C1QTNF3: variants seen among roughly 807,000 people sequenced by gnomAD.
C1QTNF3 encodes the protein C1q and TNF related 3, also known as complement C1q tumor necrosis factor-related protein 3.
In C1QTNF3, 26 loss-of-function variants were observed where a neutral mutation model predicts 32.6. The observed-to-expected ratio is 0.80, with a 90% confidence interval of 0.58 to 1.11. The LOEUF (loss-of-function observed/expected upper bound fraction) is 1.11. Ranked by LOEUF, C1QTNF3 falls within the 50% of genes least tolerant of loss-of-function variation. C1QTNF3 has a pLI of 0.00. For missense variants in C1QTNF3, 362 were observed against 398.2 expected (o/e 0.91, Z 0.77); for synonymous variants, 155 against 146.0 (o/e 1.06, Z -0.44).
At chr5:34,124,580 C>G in the C1QTNF3 span, 1 of 593,638 alleles carries the variant, frequency 1.7e-6, no homozygotes. Context: ...AAGAACAGCA[C>G]TAAGGGGATG....
the C1QTNF3 span, among the ~76,000 whole-genome samples, chr5:34,207,954 AT>A: frequency 2.8e-4 from 43 of 151,602 alleles, no homozygotes; most frequent in African/African-American, 9.4e-4. Flanking sequence ...TGCCCGGCTA[AT>A]TTTTTTTGTA....
chr5:34,102,947 G>A, the C1QTNF3 span, among the ~76,000 whole-genome samples: 5 of 125,168 alleles, frequency 4.0e-5, no homozygotes, highest in East Asian at 6.6e-4. Flanking sequence ...AAACCTGCAC[G>A]TGTGCACATG....
At chr5:34,231,205 C>A in the C1QTNF3 span, among the ~76,000 whole-genome samples, 15 of 152,302 alleles carry the variant, frequency 9.8e-5, no homozygotes, top group African/African-American at 3.1e-4. Context: ...GGGAGTTCCA[C>A]TGGTAAAAGC....
chr5:34,240,601 T>C, the C1QTNF3 span, among the ~76,000 whole-genome samples: 16 of 151,744 alleles, frequency 1.1e-4, no homozygotes, highest in African/African-American at 3.9e-4. Context: ...GAGACCAATA[T>C]GAAGCTCTGA....
the C1QTNF3 span, among the ~76,000 whole-genome samples, chr5:34,222,434 TATTCA>T: frequency 3.3e-5 from 5 of 151,550 alleles, no homozygotes; most frequent in African/African-American, 1.2e-4. Context: ...AAGGCATAAA[TATTCA>T]ATTCAATAAA....
chr5:34,068,247 G>A, the C1QTNF3 span, among the ~76,000 whole-genome samples: 2 of 152,002 alleles, frequency 1.3e-5, no homozygotes, highest in South Asian at 2.1e-4. Context: ...AGTGGTTTTT[G>A]CTTTATTCAC....
chr5:34,029,328 C>T (rs534708408), intron 3 of C1QTNF3, among the ~76,000 whole-genome samples: 6 of 150,816 alleles, frequency 4.0e-5, no homozygotes, highest in Non-Finnish European at 5.9e-5. Flanking sequence ...TTTATAGAGA[C>T]GAGGTCTCAC....
rs1754293288 is a variant in C1QTNF3 at position 34,020,344 on chromosome 5, G to A, written c.*239C>T. 9.9e-6 allele frequency: 4 copies of A among 402,794 alleles called. No individual in the cohort carries two copies. The allele number at this position is 402,794 out of a possible 1,614,324, so 25.0% of individuals were successfully genotyped here. ...AATTATCTTTTAGGTGCCAAGGAAA[G>A]AGTGATAAAGATGCTGAGTATATTA... On this transcript the variant is annotated 3_prime_UTR_variant, in exon 6 of 6. Transcript: ENST00000382065.
chr5:34,224,891 G>T, the C1QTNF3 span, among the ~76,000 whole-genome samples: 8 of 151,996 alleles, frequency 5.3e-5, no homozygotes, highest in African/African-American at 1.9e-4. Flanking sequence ...GAAAATTTTC[G>T]CAATCTACTC....
chr5:34,072,381 G>GAAAT, the C1QTNF3 span, among the ~76,000 whole-genome samples: 1 of 147,826 alleles, frequency 6.8e-6, no homozygotes, highest in South Asian at 2.1e-4. Context: ...GAGAAAGAAA[G>GAAAT]AAAGAAAGAA....
chr5:34,163,589 A>T, the C1QTNF3 span, among the ~76,000 whole-genome samples: 1 of 152,130 alleles, frequency 6.6e-6, no homozygotes, highest in African/African-American at 2.4e-5. Context: ...GAGAAGCAAC[A>T]TATATGTTGT....
the C1QTNF3 span, among the ~76,000 whole-genome samples, chr5:34,129,006 A>G: frequency 2.0e-5 from 3 of 152,068 alleles, no homozygotes; most frequent in Non-Finnish European, 4.4e-5. Context: ...TAATTCTAAC[A>G]TGTTGGGGGA....
the C1QTNF3 span, chr5:34,105,887 C>G: frequency 6.9e-6 from 1 of 144,122 alleles, no homozygotes; most frequent in African/African-American, 2.6e-5. Flanking sequence ...TTACTTTTTT[C>G]AATACTCAGT....
chr5:34,119,590 T>C, the C1QTNF3 span, among the ~76,000 whole-genome samples: 1 of 152,114 alleles, frequency 6.6e-6, no homozygotes, highest in African/African-American at 2.4e-5. Context: ...AGGTCCAAAA[T>C]ATGTCTCACT....
chr5:34,146,664 C>T, the C1QTNF3 span, among the ~76,000 whole-genome samples: 1 of 152,288 alleles, frequency 6.6e-6, no homozygotes, highest in Admixed American at 6.5e-5. Context: ...ACAAAGCTAA[C>T]TCAAAATCAA....
At chr5:34,166,478 G>A in the C1QTNF3 span, 12 of 152,046 alleles carry the variant, frequency 7.9e-5, no homozygotes, top group Admixed American at 3.9e-4. Flanking sequence ...TATAGAACAT[G>A]GAATAAAGAA....
At chr5:34,236,622 G>A in the C1QTNF3 span, among the ~76,000 whole-genome samples, 1 of 110,758 alleles carries the variant, frequency 9.0e-6, no homozygotes, top group Admixed American at 1.4e-4. Context: ...TGCCCAGGCT[G>A]TAGCGCAGTG....
chr5:34,050,438 T>C, the C1QTNF3 span, among the ~76,000 whole-genome samples: 3 of 152,244 alleles, frequency 2.0e-5, no homozygotes, highest in East Asian at 3.8e-4. Flanking sequence ...ATCACCACTA[T>C]AGCAGACACT....
the C1QTNF3 span, among the ~76,000 whole-genome samples, chr5:34,230,825 C>T: frequency 2.0e-5 from 3 of 152,256 alleles, no homozygotes; most frequent in African/African-American, 7.2e-5. Flanking sequence ...CAAAACTCCT[C>T]CATAACTATG....
Sources: allele counts gnomAD v4.1 joint callset (sites outside exome capture counted in the v4.1 genomes callset), GRCh38; gene constraint gnomAD v4.1.1; transcripts MANE v1.5; gene names NCBI Gene and HGNC (gene_info 2026-07-23, HGNC 2026-07-21).